Variants in RHOBTB1 observed in about 807,000 individuals in gnomAD.
The protein encoded by RHOBTB1 is Rho related BTB domain containing 1, also known as rho-related BTB domain-containing protein 1.
RHOBTB1 carries 40 observed loss-of-function variants against 71.6 expected under a neutral mutation model. The ratio of observed to expected loss-of-function variants is 0.56; its 90% CI spans 0.43 to 0.73. RHOBTB1 has a LOEUF of 0.73. RHOBTB1 is among the 30% of genes least tolerant of loss of function. The pLI, the probability that RHOBTB1 is intolerant of heterozygous loss-of-function variation, is 0.00. For missense variants in RHOBTB1, 797 were observed against 894.0 expected (o/e 0.89, Z 1.38); for synonymous variants, 319 against 334.9 (o/e 0.95, Z 0.52).
chr10:60,913,378 A>G (rs867538546), intron 2 of RHOBTB1, among the ~76,000 whole-genome samples: 1 of 152,218 alleles, frequency 6.6e-6, no homozygotes, highest in African/African-American at 2.4e-5. Context: ...CACCTGACAC[A>G]TACTTATCCT....
intron 2 of RHOBTB1, among the ~76,000 whole-genome samples, chr10:60,970,757 C>A (rs1176421711): frequency 6.6e-6 from 1 of 151,766 alleles, no homozygotes; most frequent in Non-Finnish European, 1.5e-5. Context: ...ATTTTTGTCA[C>A]AATACAAATA....
At chr10:60,940,063 G>A (rs1012836745) in intron 2 of RHOBTB1, among the ~76,000 whole-genome samples, 1 of 152,092 alleles carries the variant, frequency 6.6e-6, no homozygotes, top group Admixed American at 6.5e-5. Context: ...AATAATAATA[G>A]TGCTGTTATA....
At chr10:60,938,259 G>A (rs1005701651) in intron 2 of RHOBTB1, among the ~76,000 whole-genome samples, 2 of 152,190 alleles carry the variant, frequency 1.3e-5, no homozygotes, top group Non-Finnish European at 2.9e-5. Context: ...GGTTTCAGAT[G>A]TATATCATAC....
chr10:60,990,147 T>A (rs1444541964), intron 1 of RHOBTB1, among the ~76,000 whole-genome samples: 1 of 151,976 alleles, frequency 6.6e-6, no homozygotes, highest in Admixed American at 6.6e-5. Context: ...CACGCCTGGA[T>A]AATTTTTTGT....
At chr10:60,866,037 G>A (rs112553721), downstream of RHOBTB1, among the ~76,000 whole-genome samples, 2,373 of 152,210 alleles carry the variant, frequency 0.016, 28 homozygotes, top group East Asian at 0.026. Context: ...TCACCATGTT[G>A]GCCAGGCTGG....
chr10:60,927,920 C>T lies in RHOBTB1; in HGVS notation c.-11+13884G>A, dbSNP rs993877740. Among the ~76,000 whole-genome samples the T allele has an allele frequency of 2.6e-5, 4 of 152,096 alleles. No individual in the cohort carries two copies. The East Asian group carries it at 7.7e-4, about 29-fold the overall frequency. On this transcript the variant is annotated intron_variant, in intron 2 of 10. Coordinates refer to ENST00000337910, the MANE Select transcript of RHOBTB1 (RefSeq NM_014836.5). ...TCCACGGAATGGGAGAAAATATTTG[C>T]AAATTACCCATCTGACAAGGGATTA...
intron 2 of RHOBTB1, among the ~76,000 whole-genome samples, chr10:60,914,867 G>A (rs1455408407): frequency 6.6e-6 from 1 of 152,164 alleles, no homozygotes; most frequent in Non-Finnish European, 1.5e-5. Context: ...GTCCGCTCCA[G>A]ACCAAAGTGA....
rs2082963252 is a variant in RHOBTB1, at chr10:60,911,404, C to T, written c.139G>A (p.Ala47Thr). 6.2e-7 allele frequency: 1 copy of T among 1,614,090 alleles called. No individual in the cohort carries two copies. The highest frequency in any genetic ancestry group is 1.3e-5 in the African/African-American group (1 of 75,056). The change falls in exon 3 of 11, where the codon GCC (alanine) becomes ACC (threonine). Residue 47 changes from alanine (A) to threonine (T), a missense_variant. Coordinates refer to ENST00000337910, the MANE Select transcript of RHOBTB1 (RefSeq NM_014836.5). ...GCCCACACTGTTGGCACGTGGGTGG[C>T]CAGCAGCTGATACTGCGTGAGTGTG... The part of the protein sequence containing the change: ...NTTLTQYQLL[A>T]THVPTVWAID...
intron 2 of RHOBTB1, among the ~76,000 whole-genome samples, chr10:60,958,402 C>CA (rs1241576299): frequency 1.3e-5 from 2 of 152,068 alleles, no homozygotes; most frequent in Non-Finnish European, 2.9e-5. Context: ...CTTAATATTG[C>CA]ACAGGTCAGA....
chr10:60,870,907 G>A lies in RHOBTB1; in HGVS notation c.*575C>T, dbSNP rs945047320. ...TTGGAGTTGACTTTGTAATTACACC[G>A]ATGTTATTCAACAGAACAAAGATTA... On this transcript the variant is annotated 3_prime_UTR_variant, in exon 11 of 11. Transcript: ENST00000337910. The A allele has an allele frequency of 4.6e-5, 7 of 152,652 alleles. No individual in the cohort carries two copies. Among genetic ancestry groups the A allele is most frequent in the East Asian group, 3.9e-4 (2 of 5,180 alleles). The allele number at this position is 152,652 out of a possible 1,614,324, so 9.5% of individuals were successfully genotyped here.
chr10:60,867,726 T>C (rs1433674148), downstream of RHOBTB1, among the ~76,000 whole-genome samples: 3 of 152,208 alleles, frequency 2.0e-5, no homozygotes, highest in African/African-American at 7.2e-5. Flanking sequence ...ATATCCAATT[T>C]AGAAGCACTG....
At chr10:60,874,666 G>A (rs2132238680) in intron 9 of RHOBTB1, among the ~76,000 whole-genome samples, 1 of 152,274 alleles carries the variant, frequency 6.6e-6, no homozygotes, top group South Asian at 2.1e-4. Flanking sequence ...CAAAGAAGGA[G>A]GAGAGACAAA....
chr10:60,951,791 G>C (rs2085417146), intron 2 of RHOBTB1, among the ~76,000 whole-genome samples: 1 of 149,742 alleles, frequency 6.7e-6, no homozygotes, highest in South Asian at 2.1e-4. Flanking sequence ...ATGGTAAATG[G>C]TTGTTAATAA....
chr10:60,905,574 G>GA (rs370568274), intron 4 of RHOBTB1, among the ~76,000 whole-genome samples: 33 of 150,194 alleles, frequency 2.2e-4, no homozygotes, highest in African/African-American at 3.9e-4. Context: ...AGGCAGAAGG[G>GA]AAAAAAAAAC....
intron 9 of RHOBTB1, among the ~76,000 whole-genome samples, chr10:60,874,209 T>TA (rs2080935167): frequency 6.6e-6 from 1 of 152,218 alleles, no homozygotes; most frequent in Admixed American, 6.5e-5. Flanking sequence ...ATTCTTAGTT[T>TA]CCTCAGAGTG....
At chr10:60,907,429 T>A (rs927930187) in intron 4 of RHOBTB1, among the ~76,000 whole-genome samples, 3 of 152,192 alleles carry the variant, frequency 2.0e-5, no homozygotes, top group African/African-American at 7.2e-5. Context: ...ATGGTTACTA[T>A]GTATGGTTTT....
In RHOBTB1 at chr10:60,949,327, A is replaced by T. The variant is rs577918311; in HGVS notation, c.-61-7473T>A. Among the ~76,000 whole-genome samples, 86 of 152,186 alleles carry T rather than the reference A, an allele frequency of 5.7e-4. 3 individuals carry two copies. In the South Asian group the frequency reaches 0.017, roughly 31 times the overall value. ...ATCAAGGCATAACCTACCATCACTA[A>T]CCCTTTCTGTCCCAAATACCACGGG... On this transcript the variant is annotated intron_variant, in intron 2 of 11. Transcript: ENST00000357917.
intron 2 of RHOBTB1, among the ~76,000 whole-genome samples, chr10:60,950,942 C>G (rs1198524125): frequency 6.6e-6 from 1 of 152,148 alleles, no homozygotes; most frequent in East Asian, 1.9e-4. Flanking sequence ...TTTTGCTCTG[C>G]CGTTGACTTG....
chr10:60,884,913 AT>A (rs955171355), intron 7 of RHOBTB1, among the ~76,000 whole-genome samples: 6 of 151,498 alleles, frequency 4.0e-5, no homozygotes, highest in African/African-American at 9.7e-5. Context: ...TCTAGTGTAC[AT>A]TTTTTTTGTC....
Sources: gnomAD v4.1 joint callset for allele counts (sites outside exome capture counted in the v4.1 genomes callset) on GRCh38, gnomAD v4.1.1 for gene constraint, MANE v1.5 for transcripts, NCBI Gene and HGNC (gene_info 2026-07-23, HGNC 2026-07-21) for gene names.